DNAH3: variants seen among roughly 807,000 people sequenced by gnomAD.
The protein encoded by DNAH3 is dynein axonemal heavy chain 3, also known as axonemal beta dynein heavy chain 3.
In DNAH3, 332 loss-of-function variants were observed where a neutral mutation model predicts 432.5. The observed-to-expected ratio is 0.77, with a 90% CI of 0.70 to 0.84. The LOEUF is 0.84. Among genes scored for constraint, DNAH3 ranks in the 40% least tolerant of loss-of-function variants. The pLI, the probability that DNAH3 is intolerant of heterozygous loss-of-function variation, is 0.00. For missense variants in DNAH3, 4,861 were observed against 5,114.0 expected (o/e 0.95, Z 1.51); for synonymous variants, 1,956 against 1,900.2 (o/e 1.03, Z -0.76).
intron 44 of DNAH3, among the ~76,000 whole-genome samples, chr16:20,991,599 A>G (rs1224608242): frequency 6.6e-6 from 1 of 152,140 alleles, no homozygotes; most frequent in Non-Finnish European, 1.5e-5. Context: ...TTTAATTTAT[A>G]GTTTTTTCCC....
intron 52 of DNAH3, among the ~76,000 whole-genome samples, chr16:20,966,392 C>T (rs1450576089): frequency 1.3e-5 from 2 of 152,058 alleles, no homozygotes; most frequent in East Asian, 3.9e-4. Flanking sequence ...CCATGTTGCC[C>T]AGGCTGGAGG....
intron 16 of DNAH3, among the ~76,000 whole-genome samples, chr16:21,103,738 A>G (rs1417942948): frequency 1.3e-5 from 2 of 152,008 alleles, no homozygotes; most frequent in African/African-American, 4.8e-5. Flanking sequence ...TCAAGTTGGG[A>G]GTGGGAGTTT....
chr16:21,067,496 A>T (rs886064936), intron 23 of DNAH3, 77 bp from the exon 24 acceptor site: 3 of 1,514,064 alleles, frequency 2.0e-6, no homozygotes. Flanking sequence ...TGAATGTGTG[A>T]CCTATCAACT....
chr16:21,051,273 C>T (rs1273951834), intron 29 of DNAH3, among the ~76,000 whole-genome samples: 1 of 152,138 alleles, frequency 6.6e-6, no homozygotes, highest in Non-Finnish European at 1.5e-5. Flanking sequence ...GAATGGCCAG[C>T]TTTTTTCATG....
intron 10 of DNAH3, chr16:21,121,060 C>T (rs2092329277): frequency 7.4e-6 from 5 of 676,690 alleles, no homozygotes; most frequent in Non-Finnish European, 1.4e-5. Flanking sequence ...CCTGGGCATT[C>T]GTTTCACATG....
chr16:21,054,644 G>A (rs2090071989), intron 27 of DNAH3, 110 bp from the exon 28 acceptor site: 2 of 740,066 alleles, frequency 2.7e-6, no homozygotes, highest in Admixed American at 2.5e-5. Flanking sequence ...CAGACTCCTG[G>A]GTGTCATCCC....
rs543704925 is a variant in DNAH3, at chr16:20,988,053, C to T, written c.6614G>A (p.Arg2205His). Reference sequence around the variant, plus strand: ...ATTGATGGAAATGATATTCAGATGGCGAGTGAATCGTCCTGGGGAATACAA... The same window carrying T: ...ATTGATGGAAATGATATTCAGATGGTGAGTGAATCGTCCTGGGGAATACAA... The change falls in exon 45 of 62, where the codon CGC (arginine) becomes CAC (histidine). Residue 2205 changes from arginine (R) to histidine (H), a missense_variant. Coordinates refer to ENST00000261383, the Ensembl canonical transcript of DNAH3. 5.2e-5 allele frequency: 84 copies of T among 1,613,998 alleles called. 1 individual carries two copies. In the South Asian group the frequency reaches 7.9e-4, roughly 15 times the overall value.
intron 20 of DNAH3, among the ~76,000 whole-genome samples, chr16:21,080,918 TTTTC>T (rs935666601): frequency 2.6e-5 from 4 of 152,118 alleles, no homozygotes; most frequent in African/African-American, 9.7e-5. Flanking sequence ...ACTTCTTTTT[TTTTC>T]TTTTTTTTAA....
At chr16:21,009,659 A>C (rs754226438) in intron 41 of DNAH3, among the ~76,000 whole-genome samples, 1 of 152,144 alleles carries the variant, frequency 6.6e-6, no homozygotes, top group Non-Finnish European at 1.5e-5. Context: ...TGGATGAATC[A>C]CTTGAGTCTG....
At chr16:21,067,058 G>A (rs2090577820) in intron 24 of DNAH3, among the ~76,000 whole-genome samples, 1 of 152,152 alleles carries the variant, frequency 6.6e-6, no homozygotes, top group African/African-American at 2.4e-5. Context: ...TAACAGTGTT[G>A]GTTTGGACAA....
At chr16:21,139,534 T>A (rs2092691083) in intron 5 of DNAH3, among the ~76,000 whole-genome samples, 1 of 151,700 alleles carries the variant, frequency 6.6e-6, no homozygotes, top group Non-Finnish European at 1.5e-5. Context: ...TGGAATGTAG[T>A]GGCACAATCA....
At chr16:21,108,986 G>T (rs927346460) in intron 14 of DNAH3, among the ~76,000 whole-genome samples, 1 of 151,634 alleles carries the variant, frequency 6.6e-6, no homozygotes, top group Non-Finnish European at 1.5e-5. Flanking sequence ...AGCCGGGTGT[G>T]GTGGCACACA....
chr16:21,143,266 C>G (rs1339685529), intron 3 of DNAH3, among the ~76,000 whole-genome samples: 5 of 152,112 alleles, frequency 3.3e-5, no homozygotes, highest in Non-Finnish European at 7.4e-5. Flanking sequence ...TAATCCCCAG[C>G]ATGATGGTAT....
intron 44 of DNAH3, among the ~76,000 whole-genome samples, chr16:20,988,400 C>A (rs1196738963): frequency 6.6e-6 from 1 of 152,126 alleles, no homozygotes; most frequent in Non-Finnish European, 1.5e-5. Flanking sequence ...ATTATTATAT[C>A]ATATCATGTT....
intron 19 of DNAH3, among the ~76,000 whole-genome samples, chr16:21,086,083 T>C (rs2091362134): frequency 6.6e-6 from 1 of 152,114 alleles, no homozygotes; most frequent in African/African-American, 2.4e-5. Flanking sequence ...AGAGGGGGAA[T>C]TACAGGCCAA....
At chr16:21,100,673 G>A (rs1006826318) in intron 16 of DNAH3, among the ~76,000 whole-genome samples, 7 of 152,116 alleles carry the variant, frequency 4.6e-5, no homozygotes, top group Admixed American at 2.0e-4. Flanking sequence ...GTCATCCATC[G>A]TGTAAATATC....
intron 55 of DNAH3, among the ~76,000 whole-genome samples, chr16:20,954,132 AG>A (rs2084444678): frequency 6.6e-6 from 1 of 150,404 alleles, no homozygotes; most frequent in Non-Finnish European, 1.5e-5. Flanking sequence ...CTGAAGTGGG[AG>A]GATCGCTTGA....
intron 49 of DNAH3, among the ~76,000 whole-genome samples, chr16:20,981,749 TAAATA>T (rs1228141658): frequency 6.6e-6 from 1 of 151,350 alleles, no homozygotes; most frequent in Non-Finnish European, 1.5e-5. Context: ...AATAAATAAA[TAAATA>T]AAATAAACAA....
chr16:20,987,038 A>T (rs576785015), intron 47 of DNAH3, among the ~76,000 whole-genome samples: 28 of 152,258 alleles, frequency 1.8e-4, no homozygotes, highest in African/African-American at 5.3e-4. Context: ...TTAAGTTCAT[A>T]ATAAACATTC....
Sources: allele counts gnomAD v4.1 joint callset (sites outside exome capture counted in the v4.1 genomes callset), GRCh38; gene constraint gnomAD v4.1.1; transcripts MANE v1.5; gene names NCBI Gene and HGNC (gene_info 2026-07-23, HGNC 2026-07-21).